The following PLIN3 variants were observed in gnomAD, a reference collection of about 807,000 sequenced individuals.
PLIN3 encodes perilipin-3.
In PLIN3, 30 loss-of-function variants were observed where a neutral mutation model predicts 35.9. The ratio of observed to expected loss-of-function variants is 0.84; its 90% CI spans 0.62 to 1.13. The LOEUF is 1.13. PLIN3 is among the 50% of genes most tolerant of loss of function. PLIN3 has a pLI of 0.00. For synonymous variants in PLIN3, 261 were observed against 262.5 expected (o/e 0.99, Z 0.06); for missense variants, 603 against 596.9 (o/e 1.01, Z -0.11).
intron 5 of PLIN3, among the ~76,000 whole-genome samples, chr19:4,849,353 G>A (rs1183225921): frequency 1.3e-5 from 2 of 152,116 alleles, no homozygotes; most frequent in Non-Finnish European, 2.9e-5. Flanking sequence ...TGTTGCCCAG[G>A]CTGGAGTGCA....
chr19:4,848,565 C>T (rs1227021179), intron 5 of PLIN3, among the ~76,000 whole-genome samples: 2 of 152,192 alleles, frequency 1.3e-5, no homozygotes, highest in Non-Finnish European at 2.9e-5. Flanking sequence ...ACAGAGGTCC[C>T]ATAAGATTAT....
At chr19:4,852,407 C>T (rs936846967) in intron 4 of PLIN3, 106 bp from the exon 5 acceptor site, 23 of 1,349,468 alleles carry the variant, frequency 1.7e-5, no homozygotes, top group South Asian at 6.9e-5. Context: ...CGCCATCCCC[C>T]GGGTGACCCC....
chr19:4,864,376 C>A (rs1335220063), intron 1 of PLIN3, among the ~76,000 whole-genome samples: 1 of 151,480 alleles, frequency 6.6e-6, no homozygotes, highest in Non-Finnish European at 1.5e-5. Context: ...GTCTTGAACA[C>A]CTGACCTCGT....
At chr19:4,840,207 C>T (rs922989868) in intron 7 of PLIN3, among the ~76,000 whole-genome samples, 10 of 152,038 alleles carry the variant, frequency 6.6e-5, no homozygotes, top group African/African-American at 2.2e-4. Context: ...CTCAAGTGAT[C>T]GGCCCTCCTT....
chr19:4,859,538 C>A lies in PLIN3; in HGVS notation c.348+52G>T, dbSNP rs2030593444. 6.0e-6 allele frequency: 9 copies of A among 1,492,486 alleles called. No homozygotes were observed. The South Asian group carries it at 1.0e-4, about 17-fold the overall frequency. The allele number at this position is 1,492,486 out of a possible 1,614,324, so 92.5% of individuals were successfully genotyped here. On this transcript the variant is annotated intron_variant, in intron 4 of 7. Coordinates refer to ENST00000221957, the MANE Select transcript of PLIN3 (RefSeq NM_005817.5). ...GTTAAGCTGGGACCAGCGCACTCCACACCCAGGTAGGTCCCTGTCTCGACA... is the reference window on the plus strand; with the variant it reads ...GTTAAGCTGGGACCAGCGCACTCCAAACCCAGGTAGGTCCCTGTCTCGACA...
Position 4,839,355 on chromosome 19 carries a change from T to C in PLIN3, c.1142A>G (p.Asp381Gly), listed in dbSNP as rs1247769055. The stretch of plus-strand genomic sequence containing the variant: ...CTGGGCCAGAATGCTGCTGGACAGG[T>C]CCTGGAAGGAGTGGATGCTGGAAAA... ...ATFSSIHSFQ[D>G]LSSSILAQSR... The change falls in exon 8 of 8, where the codon GAC becomes GGC. Residue 381 changes from aspartate (D) to glycine (G), a missense_variant. By Grantham distance (94) the Asp-to-Gly change is moderately conservative. Coordinates refer to ENST00000221957, the MANE Select transcript of PLIN3 (RefSeq NM_005817.5). 3 of 1,613,568 alleles carry C rather than the reference T, an allele frequency of 1.9e-6. No individual in the cohort carries two copies. Among genetic ancestry groups the C allele is most frequent in the East Asian group, 2.2e-5 (1 of 44,866 alleles).
chr19:4,858,850 C>T (rs1392794766), intron 4 of PLIN3, among the ~76,000 whole-genome samples: 1 of 151,564 alleles, frequency 6.6e-6, no homozygotes, highest in Non-Finnish European at 1.5e-5. Context: ...TACAGGCACC[C>T]GCTACCACAC....
chr19:4,846,360 T>A (rs557870086), intron 6 of PLIN3, among the ~76,000 whole-genome samples: 5 of 146,442 alleles, frequency 3.4e-5, no homozygotes, highest in Admixed American at 2.1e-4. Flanking sequence ...AATGAAGCTA[T>A]CCATTAGGGT....
intron 5 of PLIN3, among the ~76,000 whole-genome samples, chr19:4,849,090 G>A (rs2030201279): frequency 6.6e-6 from 1 of 151,216 alleles, no homozygotes. Context: ...TTGGCCTCCC[G>A]AGTAGCTGGG....
intron 6 of PLIN3, among the ~76,000 whole-genome samples, chr19:4,845,913 G>A (rs571087051): frequency 3.9e-5 from 5 of 128,504 alleles, no homozygotes; most frequent in Non-Finnish European, 6.4e-5. Context: ...GTGACAGAGC[G>A]AGACTCCGTC....
At chr19:4,845,481 C>A (rs902477054) in intron 6 of PLIN3, among the ~76,000 whole-genome samples, 1 of 152,038 alleles carries the variant, frequency 6.6e-6, no homozygotes, top group African/African-American at 2.4e-5. Flanking sequence ...TATGACTCAG[C>A]CTTCCAAAGG....
chr19:4,860,023 G>C lies in PLIN3; in HGVS notation c.68C>G (p.Pro23Arg). 1 of 1,613,942 alleles carries C rather than the reference G, an allele frequency of 6.2e-7. No homozygotes were observed. The highest frequency in any genetic ancestry group is 8.5e-7 in the Non-Finnish European group (1 of 1,179,972). The change falls in exon 3 of 8, where the codon CCC becomes CGC. Residue 23 changes from proline (P) to arginine (R), a missense_variant and splice_region_variant. Physicochemically the swap from Pro to Arg is moderately radical, Grantham distance 103. Coordinates refer to ENST00000221957, the MANE Select transcript of PLIN3 (RefSeq NM_005817.5). ...GCTGGCCACACGGTCCACCACACTG[G>C]GCTACAGGAGAGAAGTGGCTCAGGC... ...QVTVEEPVQQ[P>R]SVVDRVASMP... is the part of the protein sequence containing the mutation.
intron 7 of PLIN3, among the ~76,000 whole-genome samples, chr19:4,842,492 C>T (rs1447744250): frequency 2.1e-5 from 3 of 145,648 alleles, no homozygotes; most frequent in East Asian, 4.1e-4. Context: ...CTCAGCTACT[C>T]GGGAGGCTGA....
intron 7 of PLIN3, among the ~76,000 whole-genome samples, chr19:4,840,581 CA>C (rs1458359163): frequency 6.6e-6 from 1 of 152,120 alleles, no homozygotes; most frequent in Non-Finnish European, 1.5e-5. Flanking sequence ...AGGGCATAGA[CA>C]AATCACCAAA....
intron 6 of PLIN3, 95 bp from the exon 7 acceptor site, chr19:4,844,888 A>C: frequency 7.3e-7 from 1 of 1,374,784 alleles, no homozygotes; most frequent in Non-Finnish European, 9.7e-7. Flanking sequence ...CATCTGACTT[A>C]CATGACAGTC....
At chr19:4,850,238 C>A (rs1469222577) in intron 5 of PLIN3, among the ~76,000 whole-genome samples, 2 of 151,680 alleles carry the variant, frequency 1.3e-5, no homozygotes. Context: ...GCCACTGCGC[C>A]CAGCTGCATG....
In PLIN3 at chr19:4,847,785, C is replaced by T. The variant is rs753676785; in HGVS notation, c.740G>A (p.Arg247Gln). ...CAGCGAGTGCTCATAGGCGTGCTGC[C>T]GCAGCCTCTCCGACAGGGAGCCCAG... ...VRLGSLSERLRQHAYEHSLGK... is the reference protein window; with the variant it reads ...VRLGSLSERLQQHAYEHSLGK... Residue 247 changes from arginine (R) to glutamine (Q), a missense_variant, in exon 6 of 8, where the codon CGG becomes CAG. Transcript: ENST00000221957. The T allele has an allele frequency of 6.8e-6, 11 of 1,613,460 alleles. No homozygotes were observed. Among genetic ancestry groups the T allele is most frequent in the Admixed American group, 3.3e-5 (2 of 59,910 alleles).
chr19:4,865,964 C>T (rs747097937), intron 1 of PLIN3, among the ~76,000 whole-genome samples: 1 of 150,988 alleles, frequency 6.6e-6, no homozygotes, highest in Non-Finnish European at 1.5e-5. Flanking sequence ...ACCTCATGAT[C>T]CGCCCGCCTC....
intron 5 of PLIN3, 83 bp from the exon 6 acceptor site, chr19:4,847,973 A>G (rs1442273299): frequency 2.1e-6 from 2 of 949,066 alleles, no homozygotes; most frequent in Admixed American, 4.5e-5. Context: ...CAAGAATCAC[A>G]CTGTCCAGTT....
Sources: allele counts gnomAD v4.1 joint callset (sites outside exome capture counted in the v4.1 genomes callset), GRCh38; gene constraint gnomAD v4.1.1; transcripts MANE v1.5; gene names NCBI Gene and HGNC (gene_info 2026-07-23, HGNC 2026-07-21).